Variants in NIN observed in about 807,000 individuals in gnomAD.
NIN encodes glycogen synthase kinase 3 beta-interacting protein.
In NIN, 137 loss-of-function variants were observed where a neutral mutation model predicts 257.6. The observed-to-expected ratio is 0.53, with a 90% CI of 0.46 to 0.61. The LOEUF is 0.61. Among genes scored for constraint, NIN ranks in the 20% least tolerant of loss-of-function variants. The probability of loss-of-function intolerance (pLI) is 0.00; values close to 1 mark genes in which losing one functional copy is unlikely to be tolerated. For synonymous variants in NIN, 918 were observed against 919.8 expected (o/e 1.00, Z 0.04); for missense variants, 2,439 against 2,501.2 (o/e 0.98, Z 0.53).
chr14:50,748,407 G>A (rs2041647821), intron 21 of NIN, among the ~76,000 whole-genome samples: 1 of 152,130 alleles, frequency 6.6e-6, no homozygotes, highest in South Asian at 2.1e-4. Context: ...TTTGAAAACT[G>A]GCACAAGACA....
At position 50,753,257 on chromosome 14, in the gene NIN, G is replaced by A. The variant is rs978720777; in HGVS notation, c.4735-524C>T. Among the ~76,000 whole-genome samples, 7 of 152,202 alleles carry A rather than the reference G, an allele frequency of 4.6e-5. No individual in the cohort carries two copies. The East Asian group carries it at 9.7e-4, about 21-fold the overall frequency. On this transcript the variant is annotated intron_variant, in intron 20 of 30. Transcript: ENST00000530997. ...TCTACTAAAAATACAAAAATTAGCC[G>A]GGTGTGGTGGCATGTGCCTGTAATC... is the stretch of plus-strand genomic sequence containing the variant.
chr14:50,756,070 T>C (rs538962467), intron 18 of NIN, among the ~76,000 whole-genome samples: 1 of 152,212 alleles, frequency 6.6e-6, no homozygotes, highest in South Asian at 2.1e-4. Flanking sequence ...AAGTGAGTTC[T>C]TATCTACTAA....
In NIN at chr14:50,739,293, A is replaced by G; in HGVS notation, c.5628+15T>C. 1 of 1,612,138 alleles carries G rather than the reference A, an allele frequency of 6.2e-7. No homozygotes were observed. The highest frequency in any genetic ancestry group is 1.3e-5 in the African/African-American group (1 of 74,984). On this transcript the variant is annotated intron_variant, in intron 26 of 30. Transcript: ENST00000530997. Reference sequence around the variant, plus strand: ...TTTTCAAACATATGCCATGATGTGCAGCTTCTCCAATTACCTTCTCCCGGG... The same window carrying G: ...TTTTCAAACATATGCCATGATGTGCGGCTTCTCCAATTACCTTCTCCCGGG...
chr14:50,800,294 T>C (rs1436648891), intron 4 of NIN, among the ~76,000 whole-genome samples: 1 of 152,214 alleles, frequency 6.6e-6, no homozygotes, highest in African/African-American at 2.4e-5. Context: ...ACAGGCTGAC[T>C]ATCCATTATC....
chr14:50,812,028 G>C (rs544678976), intron 3 of NIN, among the ~76,000 whole-genome samples: 25 of 152,190 alleles, frequency 1.6e-4, no homozygotes, highest in African/African-American at 5.5e-4. Flanking sequence ...GCTGAGGCAG[G>C]AGAATCGCTT....
chr14:50,823,077 G>C lies in NIN; in HGVS notation c.-21-1000C>G, dbSNP rs1389875463. 1.2e-5 allele frequency: 5 copies of C among 423,034 alleles called. 1 individual carries two copies. Among genetic ancestry groups the C allele is most frequent in the Non-Finnish European group, 2.3e-5 (5 of 214,906 alleles). The allele number at this position is 423,034 out of a possible 1,614,324, so 26.2% of individuals were successfully genotyped here. A position where few individuals can be genotyped will look rare whatever the true frequency, so the allele number is the denominator to read the frequency against. On this transcript the variant is annotated intron_variant, in intron 2 of 30. Coordinates refer to ENST00000530997, the MANE Select transcript of NIN (RefSeq NM_020921.4). ...TTAGGATCAGTAAAAACTTGGAGAC[G>C]TCAATAACTGAGTCATTTTTGTTAA...
At chr14:50,820,828 A>C (rs137976805) in intron 3 of NIN, among the ~76,000 whole-genome samples, 54 of 152,322 alleles carry the variant, frequency 3.5e-4, no homozygotes, top group African/African-American at 1.3e-3. Context: ...CATCTTTTGC[A>C]CATGAATTTC....
chr14:50,739,290 T>C lies in NIN; in HGVS notation c.5628+18A>G. The C allele has an allele frequency of 1.2e-6, 2 of 1,612,080 alleles. No individual in the cohort carries two copies. The highest frequency in any genetic ancestry group is 1.7e-6 in the Non-Finnish European group (2 of 1,178,436). On this transcript the variant is annotated intron_variant, in intron 26 of 30. Coordinates refer to ENST00000530997, the MANE Select transcript of NIN (RefSeq NM_020921.4). ...TCATTTTCAAACATATGCCATGATG[T>C]GCAGCTTCTCCAATTACCTTCTCCC...
intron 4 of NIN, among the ~76,000 whole-genome samples, chr14:50,805,308 TAA>T (rs939228032): frequency 1.3e-5 from 2 of 151,964 alleles, no homozygotes; most frequent in African/African-American, 2.4e-5. Context: ...TGAGACCATA[TAA>T]AAACACAAAA....
At chr14:50,755,013 T>C in intron 18 of NIN, 146 bp from the exon 19 acceptor site, 2 of 524,726 alleles carry the variant, frequency 3.8e-6, no homozygotes, top group Non-Finnish European at 6.7e-6. Context: ...TATTTGGAAA[T>C]CGAGTTATGA....
At chr14:50,747,527 A>C (rs923327115) in intron 22 of NIN, among the ~76,000 whole-genome samples, 6 of 152,120 alleles carry the variant, frequency 3.9e-5, no homozygotes, top group African/African-American at 1.4e-4. Context: ...TGAACCCAGG[A>C]ATTCAAGACC....
intron 4 of NIN, among the ~76,000 whole-genome samples, chr14:50,802,278 T>C (rs1456182382): frequency 6.6e-6 from 1 of 152,196 alleles, no homozygotes; most frequent in Non-Finnish European, 1.5e-5. Flanking sequence ...TTTTTCACTG[T>C]GTTGTTATTA....
chr14:50,776,732 G>A (rs2141864394), intron 7 of NIN, among the ~76,000 whole-genome samples: 1 of 152,308 alleles, frequency 6.6e-6, no homozygotes, highest in Admixed American at 6.5e-5. Context: ...AGCACAGTGA[G>A]CTTACAATAG....
intron 4 of NIN, among the ~76,000 whole-genome samples, chr14:50,796,102 T>G (rs1029047525): frequency 1.3e-5 from 2 of 152,270 alleles, no homozygotes; most frequent in Non-Finnish European, 2.9e-5. Context: ...CCCTGGATTG[T>G]TAAGCTTCTG....
rs2140291608 is a variant in NIN at position 50,720,128 on chromosome 14, T to G, written c.*3335A>C. ...CCACAAAACCAAAACTATTTTACAG[T>G]GCTGAGAGGTCCAGATAGGTCCAAA... On this transcript the variant is annotated 3_prime_UTR_variant, in exon 31 of 31. Transcript: ENST00000530997. The G allele has an allele frequency of 4.5e-6, 1 of 222,070 alleles. No individual in the cohort carries two copies. The highest frequency in any genetic ancestry group is 1.4e-3 in the Middle Eastern group (1 of 714). 13.8% of individuals were successfully genotyped at this position (222,070 alleles called of 1,614,324 possible).
intron 27 of NIN, among the ~76,000 whole-genome samples, chr14:50,737,548 G>A (rs992706193): frequency 6.9e-6 from 1 of 144,830 alleles, no homozygotes; most frequent in Non-Finnish European, 1.5e-5. Flanking sequence ...TCTAATATTC[G>A]AGTGATAAAT....
Position 50,720,215 on chromosome 14 carries a change from T to A in NIN, c.*3248A>T. On this transcript the variant is annotated 3_prime_UTR_variant, in exon 31 of 31. Coordinates refer to ENST00000530997, the MANE Select transcript of NIN (RefSeq NM_020921.4). Reference sequence around the variant, plus strand: ...GCTTTGACTTGGTTTTTGGCATTACTTGTATAATTATATCATTCCAATGAG... The same window carrying A: ...GCTTTGACTTGGTTTTTGGCATTACATGTATAATTATATCATTCCAATGAG... 4.5e-6 allele frequency: 1 copy of A among 222,742 alleles called. No individual in the cohort carries two copies. The allele number at this position is 222,742 out of a possible 1,614,324, so 13.8% of individuals were successfully genotyped here. A position where few individuals can be genotyped will look rare whatever the true frequency, so the allele number is the denominator to read the frequency against.
At chr14:50,732,736 G>T (rs936117822) in intron 28 of NIN, among the ~76,000 whole-genome samples, 2 of 151,002 alleles carry the variant, frequency 1.3e-5, no homozygotes. Flanking sequence ...TGTTTTTTGG[G>T]TTTTTTTTTG....
In NIN at chr14:50,772,482, G is replaced by A. The variant is rs2042774590; in HGVS notation, c.814-14C>T. ...CTCATCGAAAGACTGGAAGGAGGAAGAGACTTGAGTAAGCCTAGCTTGATT... is the reference window on the plus strand; with the variant it reads ...CTCATCGAAAGACTGGAAGGAGGAAAAGACTTGAGTAAGCCTAGCTTGATT... On this transcript the variant is annotated splice_polypyrimidine_tract_variant and intron_variant, in intron 8 of 30. Coordinates refer to ENST00000530997, the MANE Select transcript of NIN (RefSeq NM_020921.4). The A allele has an allele frequency of 1.2e-6, 2 of 1,613,516 alleles. No individual in the cohort carries two copies. The highest frequency in any genetic ancestry group is 1.3e-5 in the African/African-American group (1 of 74,928).
Sources: allele counts gnomAD v4.1 joint callset (sites outside exome capture counted in the v4.1 genomes callset), GRCh38; gene constraint gnomAD v4.1.1; transcripts MANE v1.5; gene names NCBI Gene and HGNC (gene_info 2026-07-23, HGNC 2026-07-21).